The following FAT3 variants were observed in gnomAD, a reference collection of about 807,000 sequenced individuals.
FAT3 encodes the protein protocadherin Fat 3.
Under a neutral mutation model 310.2 loss-of-function variants are expected in FAT3, and 95 were observed. That is an observed-to-expected ratio of 0.31 (90% confidence interval 0.26 to 0.36). The LOEUF (loss-of-function observed/expected upper bound fraction) is 0.36, where lower values mean the gene tolerates loss of function less well. Ranked by LOEUF, FAT3 falls within the 10% of genes least tolerant of loss-of-function variation. FAT3 has a pLI of 1.00. For synonymous variants in FAT3, 2,314 were observed against 2,192.9 expected, an observed-to-expected ratio of 1.06 and a Z score of -1.54; for missense variants, 5,408 against 5,715.6, an observed-to-expected ratio of 0.95 and a Z score of 1.74.
intron 7 of FAT3, among the ~76,000 whole-genome samples, chr11:92,787,170 T>C (rs950228458): frequency 1.9e-4 from 29 of 152,216 alleles, no homozygotes; most frequent in African/African-American, 7.0e-4. Flanking sequence ...GTTAATGTTA[T>C]GTTAACTGTA....
intron 3 of FAT3, among the ~76,000 whole-genome samples, chr11:92,654,092 A>C (rs1302289748): frequency 2.0e-5 from 3 of 152,174 alleles, no homozygotes; most frequent in Admixed American, 6.5e-5. Flanking sequence ...AGTGGCAAAA[A>C]TCCACTCAGT....
intron 22 of FAT3, among the ~76,000 whole-genome samples, chr11:92,867,862 T>C (rs1949287604): frequency 6.6e-6 from 1 of 150,792 alleles, no homozygotes; most frequent in South Asian, 2.1e-4. Context: ...ATCTTTACTC[T>C]AATATTTTTT....
At chr11:92,649,427 C>T (rs1324523023) in intron 3 of FAT3, among the ~76,000 whole-genome samples, 2 of 152,130 alleles carry the variant, frequency 1.3e-5, no homozygotes, top group African/African-American at 4.8e-5. Context: ...AAGCTATTGC[C>T]AAGGTGAAGG....
At chr11:92,864,444 G>T (rs932277111) in intron 21 of FAT3, among the ~76,000 whole-genome samples, 3 of 152,276 alleles carry the variant, frequency 2.0e-5, no homozygotes, top group African/African-American at 7.2e-5. Context: ...TTGCCATAGA[G>T]CAAGTATTCT....
chr11:92,761,375 A>G (rs1047935037), intron 4 of FAT3, among the ~76,000 whole-genome samples: 5 of 152,192 alleles, frequency 3.3e-5, no homozygotes, highest in African/African-American at 1.2e-4. Flanking sequence ...CCACCTCCTA[A>G]TACTATTGCA....
chr11:92,567,363 A>C (rs1180641792), intron 3 of FAT3, among the ~76,000 whole-genome samples: 3 of 150,406 alleles, frequency 2.0e-5, no homozygotes, highest in Non-Finnish European at 4.4e-5. Flanking sequence ...TTAGAATGGC[A>C]ATCATTAAAA....
intron 13 of FAT3, 146 bp from the exon 14 acceptor site, chr11:92,831,476 A>C (rs1948248286): frequency 1.6e-6 from 1 of 642,316 alleles, no homozygotes; most frequent in Non-Finnish European, 2.4e-6. Flanking sequence ...ACTGAAATTT[A>C]CATTTTTGTA....
chr11:92,255,077 A>G lies in FAT3; in HGVS notation c.-18+29903A>G, dbSNP rs142690759. On this transcript the variant is annotated intron_variant, in intron 1 of 27. Coordinates refer to ENST00000525166, the MANE Select transcript of FAT3 (RefSeq NM_001367949.2). The stretch of plus-strand genomic sequence containing the variant: ...TGAGCAGGAAACATATCCAAAATTT[A>G]TAGCAGCAAATATAATAGCTACTTT... Among the ~76,000 whole-genome samples the G allele has an allele frequency of 3.1e-3, 477 of 152,246 alleles. 1 individual carries two copies. Among genetic ancestry groups the G allele is most frequent in the African/African-American group, 0.011 (439 of 41,556 alleles).
intron 6 of FAT3, chr11:92,766,659 T>C (rs1187117870): frequency 6.6e-6 from 1 of 152,274 alleles, no homozygotes; most frequent in African/African-American, 2.4e-5. Context: ...ATGGGCATCC[T>C]CACAGCAAGC....
At chr11:92,253,320 A>G (rs1486180581) in intron 1 of FAT3, among the ~76,000 whole-genome samples, 2 of 151,714 alleles carry the variant, frequency 1.3e-5, no homozygotes, top group Non-Finnish European at 2.9e-5. Flanking sequence ...AGTTCATCAC[A>G]CCATGTACCC....
intron 3 of FAT3, among the ~76,000 whole-genome samples, chr11:92,666,537 T>A (rs1220577789): frequency 6.6e-6 from 1 of 150,436 alleles, no homozygotes; most frequent in African/African-American, 2.5e-5. Context: ...TTTTTTTGTA[T>A]CTTTAGTAGA....
chr11:92,252,195 C>T (rs1270639853), intron 1 of FAT3, among the ~76,000 whole-genome samples: 2 of 152,140 alleles, frequency 1.3e-5, no homozygotes, highest in African/African-American at 4.8e-5. Context: ...ACCCACACAT[C>T]AGAGAAGAAT....
At chr11:92,226,650 C>G (rs1863919393) in intron 1 of FAT3, among the ~76,000 whole-genome samples, 1 of 151,874 alleles carries the variant, frequency 6.6e-6, no homozygotes, top group Admixed American at 6.6e-5. Flanking sequence ...GCGAGGTCTC[C>G]GTGAAGGACT....
intron 13 of FAT3, among the ~76,000 whole-genome samples, chr11:92,827,509 G>T (rs1471077885): frequency 6.6e-6 from 1 of 152,178 alleles, no homozygotes; most frequent in Non-Finnish European, 1.5e-5. Context: ...TGTGTAGTTT[G>T]GGCAGGCTGT....
At chr11:92,781,345 C>T (rs1028225139) in intron 7 of FAT3, among the ~76,000 whole-genome samples, 7 of 151,588 alleles carry the variant, frequency 4.6e-5, no homozygotes, top group East Asian at 1.9e-4. Flanking sequence ...GGCCTCCCAC[C>T]GAGCCACCGC....
chr11:92,504,201 C>G (rs1230718728), intron 2 of FAT3, among the ~76,000 whole-genome samples: 1 of 152,106 alleles, frequency 6.6e-6, no homozygotes, highest in Admixed American at 6.6e-5. Context: ...GCCAGAAGAC[C>G]ACACAGATTC....
chr11:92,843,790 T>A (rs913481634), intron 18 of FAT3, 144 bp from the exon 19 acceptor site: 5 of 774,768 alleles, frequency 6.5e-6, no homozygotes, highest in Non-Finnish European at 1.1e-5. Flanking sequence ...TAAACGCACA[T>A]CCTCAGCATT....
intron 18 of FAT3, among the ~76,000 whole-genome samples, chr11:92,841,223 T>C (rs935110390): frequency 5.3e-5 from 8 of 152,108 alleles, no homozygotes; most frequent in Non-Finnish European, 8.8e-5. Context: ...TTCATTGGCC[T>C]GTGTGACGTA....
At chr11:92,571,284 A>G (rs1292372362) in intron 3 of FAT3, among the ~76,000 whole-genome samples, 1 of 152,064 alleles carries the variant, frequency 6.6e-6, no homozygotes, top group East Asian at 1.9e-4. Flanking sequence ...CTTCTTAAGG[A>G]TGGCATGTAC....
Sources: gnomAD v4.1 joint callset for allele counts (sites outside exome capture counted in the v4.1 genomes callset) on GRCh38, gnomAD v4.1.1 for gene constraint, MANE v1.5 for transcripts, NCBI Gene and HGNC (gene_info 2026-07-23, HGNC 2026-07-21) for gene names.